Variants in PRKG1 observed in about 807,000 individuals in gnomAD.
The protein encoded by PRKG1 is protein kinase cGMP-dependent 1, also known as cGMP-dependent protein kinase 1.
PRKG1 carries 35 observed loss-of-function variants against 88.1 expected under a neutral mutation model. That is an observed-to-expected ratio of 0.40 (90% CI 0.30 to 0.53). PRKG1 has a LOEUF of 0.53. Ranked by LOEUF, PRKG1 falls within the 20% of genes least tolerant of loss-of-function variation. PRKG1 has a pLI of 0.59. For missense variants in PRKG1, 540 were observed against 839.8 expected, an observed-to-expected ratio of 0.64 and a Z score of 4.41; for synonymous variants, 303 against 292.5, an observed-to-expected ratio of 1.04 and a Z score of -0.37.
chr10:52,106,944 A>C (rs1045036915), intron 7 of PRKG1, among the ~76,000 whole-genome samples: 3 of 152,166 alleles, frequency 2.0e-5, no homozygotes, highest in Non-Finnish European at 4.4e-5. Context: ...GTAACAAAAT[A>C]CTTGCACAGC....
intron 9 of PRKG1, among the ~76,000 whole-genome samples, chr10:52,212,452 C>T (rs555014436): frequency 1.3e-5 from 2 of 152,202 alleles, no homozygotes; most frequent in Non-Finnish European, 2.9e-5. Flanking sequence ...AATGTAACTA[C>T]CATCACAAAC....
chr10:50,998,156 T>G (rs1842854180), intron 1 of PRKG1, among the ~76,000 whole-genome samples: 1 of 152,196 alleles, frequency 6.6e-6, no homozygotes. Flanking sequence ...GTTGAAGTAT[T>G]TCATCCTTCT....
At chr10:52,034,910 A>G (rs1457139714) in intron 5 of PRKG1, among the ~76,000 whole-genome samples, 1 of 152,142 alleles carries the variant, frequency 6.6e-6, no homozygotes, top group African/African-American at 2.4e-5. Context: ...GAATTCTGAG[A>G]AGGGAAAGTG....
At chr10:51,166,637 A>G (rs1317379307) in intron 2 of PRKG1, among the ~76,000 whole-genome samples, 1 of 152,180 alleles carries the variant, frequency 6.6e-6, no homozygotes, top group Non-Finnish European at 1.5e-5. Context: ...GTGGATTTAA[A>G]TTATTTATTT....
chr10:52,088,044 C>G lies in PRKG1; in HGVS notation c.935+25413C>G, dbSNP rs559801131. Among the ~76,000 whole-genome samples, 10 of 152,266 alleles carry G rather than the reference C, an allele frequency of 6.6e-5. No individual in the cohort carries two copies. The South Asian group carries it at 1.7e-3, about 25-fold the overall frequency. On this transcript the variant is annotated intron_variant, in intron 7 of 17. Transcript: ENST00000373980. ...AAGTGCATCCCATACTCCCACCCTA[C>G]CTAGGGAAAGTCAGAAAATGTGCCA...
At chr10:51,155,154 C>T (rs1005675240) in intron 2 of PRKG1, among the ~76,000 whole-genome samples, 4 of 151,930 alleles carry the variant, frequency 2.6e-5, no homozygotes, top group African/African-American at 9.7e-5. Context: ...TTTTGAACAC[C>T]TGTGGATTCA....
chr10:51,507,818 C>T lies in PRKG1; in HGVS notation c.592+39982C>T, dbSNP rs187152332. On this transcript the variant is annotated intron_variant, in intron 3 of 17. Transcript: ENST00000373980. Reference sequence around the variant, plus strand: ...AATTACACCATCGAAGATGTTCTCCCTGACCATTAAATGCTTTTGACAGTT... The same window carrying T: ...AATTACACCATCGAAGATGTTCTCCTTGACCATTAAATGCTTTTGACAGTT... Among the ~76,000 whole-genome samples the T allele has an allele frequency of 2.5e-3, 375 of 152,210 alleles. 5 individuals carry two copies. Among genetic ancestry groups the T allele is most frequent in the Non-Finnish European group, 6.8e-4 (46 of 67,996 alleles).
chr10:51,438,504 G>C (rs1445503380), intron 2 of PRKG1, among the ~76,000 whole-genome samples: 1 of 151,820 alleles, frequency 6.6e-6, no homozygotes, highest in East Asian at 1.9e-4. Context: ...AGAAGTACTG[G>C]TTAGATATTT....
chr10:51,764,154 C>T (rs993674137), intron 3 of PRKG1, among the ~76,000 whole-genome samples: 2 of 152,146 alleles, frequency 1.3e-5, no homozygotes, highest in African/African-American at 4.8e-5. Flanking sequence ...CAGGCTTTTC[C>T]CTCAGAACAC....
At chr10:51,980,791 T>A (rs181208171) in intron 5 of PRKG1, among the ~76,000 whole-genome samples, 5 of 152,186 alleles carry the variant, frequency 3.3e-5, no homozygotes, top group African/African-American at 1.2e-4. Context: ...TTGTCTAAAA[T>A]TAGTATTGCA....
At chr10:52,065,516 T>TC (rs1846335564) in intron 7 of PRKG1, among the ~76,000 whole-genome samples, 1 of 145,074 alleles carries the variant, frequency 6.9e-6, no homozygotes, top group African/African-American at 2.7e-5. Flanking sequence ...TTTATTTTCT[T>TC]TCTATTTCAC....
At chr10:51,973,802 G>A (rs997189817) in intron 5 of PRKG1, among the ~76,000 whole-genome samples, 1 of 152,078 alleles carries the variant, frequency 6.6e-6, no homozygotes, top group South Asian at 2.1e-4. Context: ...GGAGTTCAGA[G>A]TAGCGACAAT....
intron 3 of PRKG1, among the ~76,000 whole-genome samples, chr10:51,566,791 C>A (rs2132159588): frequency 1.3e-5 from 2 of 152,032 alleles, no homozygotes; most frequent in East Asian, 1.9e-4. Flanking sequence ...AAATGAGAAG[C>A]AGTCATTGTC....
At chr10:51,841,938 C>T (rs1330359214) in intron 4 of PRKG1, among the ~76,000 whole-genome samples, 1 of 152,174 alleles carries the variant, frequency 6.6e-6, no homozygotes, top group Non-Finnish European at 1.5e-5. Flanking sequence ...CCGCCTCAGC[C>T]TCCCAAAGTG....
chr10:51,363,434 C>T (rs985208250), intron 2 of PRKG1, among the ~76,000 whole-genome samples: 30 of 151,508 alleles, frequency 2.0e-4, no homozygotes, highest in African/African-American at 4.4e-4. Context: ...ATTTCTTTGC[C>T]GAACTAAATC....
At chr10:52,096,734 A>G (rs1444072865) in intron 7 of PRKG1, among the ~76,000 whole-genome samples, 1 of 152,122 alleles carries the variant, frequency 6.6e-6, no homozygotes, top group Non-Finnish European at 1.5e-5. Flanking sequence ...CGCAGATTTA[A>G]TATAATACAC....
rs1554833415 is a variant in PRKG1, at chr10:51,067,166, C to CA, written c.266+75522_266+75523insA. ...ATTCACATCATAGCTAACACATTTG[C>CA]TTTTTTTTTCTGTGGGAGGTGGGAT... is the stretch of plus-strand genomic sequence containing the variant. On this transcript the variant is annotated intron_variant, in intron 1 of 17. Transcript: ENST00000401604. Among the ~76,000 whole-genome samples the CA allele has an allele frequency of 2.0e-5, 3 of 149,880 alleles. No homozygotes were observed. The East Asian group carries it at 5.8e-4, about 29-fold the overall frequency.
chr10:51,214,843 G>T (rs1393691261), intron 2 of PRKG1, among the ~76,000 whole-genome samples: 1 of 152,110 alleles, frequency 6.6e-6, no homozygotes, highest in Non-Finnish European at 1.5e-5. Context: ...CACTTTACAT[G>T]AGCACGTGGA....
chr10:51,855,171 A>G (rs1352760317), intron 4 of PRKG1, among the ~76,000 whole-genome samples: 2 of 152,160 alleles, frequency 1.3e-5, no homozygotes, highest in Admixed American at 1.3e-4. Context: ...AATAGCTTAG[A>G]CTTATTTCAA....
Sources: gnomAD v4.1 joint callset for allele counts (sites outside exome capture counted in the v4.1 genomes callset) on GRCh38, gnomAD v4.1.1 for gene constraint, MANE v1.5 for transcripts, NCBI Gene and HGNC (gene_info 2026-07-23, HGNC 2026-07-21) for gene names.